COL14A1: variants seen among roughly 807,000 people sequenced by gnomAD.
COL14A1 encodes the protein collagen type XIV alpha 1 chain.
Under a neutral mutation model 230.3 loss-of-function variants are expected in COL14A1, and 136 were observed. The observed-to-expected ratio is 0.59, with a 90% CI of 0.51 to 0.68. The LOEUF (loss-of-function observed/expected upper bound fraction) is 0.68. COL14A1 is among the 30% of genes least tolerant of loss of function. The pLI is 0.00. For missense variants in COL14A1, 1,976 were observed against 2,215.8 expected (o/e 0.89, Z 2.17); for synonymous variants, 792 against 784.1 (o/e 1.01, Z -0.17).
In COL14A1 at chr8:120,369,341, G is replaced by A; in HGVS notation, c.5167G>A (p.Glu1723Lys). ...TGGGTACTTCTTAGGACCTTCAGGG[G>A]AGAGTCGGCCTGGCAGCCCTGGGCC... ...GPPGPAGPSG[E>K]SRPGSPGPPG... The change falls in exon 47 of 48, where the codon GAG (glutamate) becomes AAG (lysine). Residue 1723 changes from glutamate to lysine, a missense_variant. Physicochemically the swap from Glu to Lys is moderately conservative, Grantham distance 56 (BLOSUM62 1). This residue lies in a region of COL14A1 where 1,791 missense variants were observed against 2,019.5 expected (regional missense o/e 0.89). Coordinates refer to ENST00000297848, the MANE Select transcript of COL14A1 (RefSeq NM_021110.4). The A allele has an allele frequency of 6.3e-7, 1 of 1,586,806 alleles. No homozygotes were observed. Among genetic ancestry groups the A allele is most frequent in the East Asian group, 2.3e-5 (1 of 43,796 alleles).
intron 22 of COL14A1, among the ~76,000 whole-genome samples, chr8:120,252,811 T>C (rs1250275912): frequency 6.6e-6 from 1 of 152,156 alleles, no homozygotes; most frequent in Non-Finnish European, 1.5e-5. Context: ...ATCAATACTG[T>C]CAAGCAAGAG....
chr8:120,236,764 A>G (rs1311599037), intron 19 of COL14A1, among the ~76,000 whole-genome samples: 2 of 151,924 alleles, frequency 1.3e-5, no homozygotes. Flanking sequence ...ACCGGTTTTT[A>G]CTTTCCATAT....
chr8:120,213,411 T>C (rs1817666868), intron 13 of COL14A1, among the ~76,000 whole-genome samples: 1 of 152,192 alleles, frequency 6.6e-6, no homozygotes, highest in Non-Finnish European at 1.5e-5. Flanking sequence ...ACAATGCCTT[T>C]CTCATTAAGA....
intron 33 of COL14A1, among the ~76,000 whole-genome samples, chr8:120,287,388 G>A (rs577976448): frequency 1.3e-5 from 2 of 152,204 alleles, no homozygotes; most frequent in South Asian, 2.1e-4. Context: ...ATTCCTCTTG[G>A]CATGTTTATT....
At chr8:120,236,883 G>T (rs1818460346) in intron 19 of COL14A1, among the ~76,000 whole-genome samples, 1 of 152,134 alleles carries the variant, frequency 6.6e-6, no homozygotes, top group Admixed American at 6.5e-5. Context: ...ATGAAGCTTA[G>T]TTTGGCTGGA....
chr8:120,270,175 G>C lies in COL14A1; in HGVS notation c.3213+1G>C. 1 of 1,608,018 alleles carries C rather than the reference G, an allele frequency of 6.2e-7. No individual in the cohort carries two copies. Among genetic ancestry groups the C allele is most frequent in the Non-Finnish European group, 8.5e-7 (1 of 1,176,924 alleles). ...CAAGATTGGCACAGATGGAACCCAA[G>C]TAAGGCTAATAAATAATTAATTCAT... On this transcript the variant is annotated splice_donor_variant, in intron 26 of 47. Transcript: ENST00000297848. LOFTEE classifies it high-confidence loss of function.
chr8:120,158,137 A>G lies in COL14A1; in HGVS notation c.96A>G (p.Pro32=), dbSNP rs765045965. Residue 32 remains proline (P), a synonymous_variant, in exon 3 of 48, where the codon CCA becomes CCG. Transcript: ENST00000297848. ...FCTIVQGQVA[P]PTRLRYNVIS... Reference sequence around the variant, plus strand: ...TTTGTTCTTCCTTTTCAGTGGCTCCACCCACAAGGTTAAGATATAATGTAA... The same window carrying G: ...TTTGTTCTTCCTTTTCAGTGGCTCCGCCCACAAGGTTAAGATATAATGTAA... 1.9e-6 allele frequency: 3 copies of G among 1,555,638 alleles called. No individual in the cohort carries two copies. Among genetic ancestry groups the G allele is most frequent in the Non-Finnish European group, 2.6e-6 (3 of 1,142,234 alleles).
chr8:120,242,344 T>C (rs1818629262), intron 19 of COL14A1, among the ~76,000 whole-genome samples: 1 of 152,232 alleles, frequency 6.6e-6, no homozygotes, highest in Non-Finnish European at 1.5e-5. Flanking sequence ...GGCAAGCTAA[T>C]GAGTCTTCTA....
At chr8:120,177,256 A>T (rs557602095) in intron 5 of COL14A1, among the ~76,000 whole-genome samples, 1 of 152,340 alleles carries the variant, frequency 6.6e-6, no homozygotes, top group South Asian at 2.1e-4. Flanking sequence ...TCACAATTTC[A>T]AAACATAGAA....
Position 120,162,437 on chromosome 8 carries a change from A to C in COL14A1, c.217A>C (p.Asn73His). 1.2e-6 allele frequency: 2 copies of C among 1,601,382 alleles called. No individual in the cohort carries two copies. Among genetic ancestry groups the C allele is most frequent in the Non-Finnish European group, 1.7e-6 (2 of 1,175,658 alleles). Residue 73 changes from asparagine (N) to histidine (H), a missense_variant, in exon 4 of 48, where the codon AAC becomes CAC. By Grantham distance (68) the Asn-to-His change is moderately conservative (BLOSUM62 1). Coordinates refer to ENST00000297848, the MANE Select transcript of COL14A1 (RefSeq NM_021110.4). ...LVTPTSGGKT[N>H]QLNLQNTATK... is the part of the protein sequence containing the mutation. ...CTCTTTTATTATAGGTGGAAAAACT[A>C]ACCAGCTGAATCTGCAGAACACTGC...
intron 1 of COL14A1, among the ~76,000 whole-genome samples, chr8:120,138,740 G>C (rs1814793816): frequency 6.6e-6 from 1 of 152,042 alleles, no homozygotes; most frequent in African/African-American, 2.4e-5. Context: ...ATGTGAGGAG[G>C]GTAGTATTTC....
intron 31 of COL14A1, among the ~76,000 whole-genome samples, chr8:120,281,559 C>A (rs1410367635): frequency 3.6e-5 from 4 of 110,648 alleles, no homozygotes; most frequent in East Asian, 2.5e-4. Context: ...AGCAAGACCC[C>A]GTCTTTAAAA....
At chr8:120,218,168 AAT>A (rs1405297552) in intron 14 of COL14A1, among the ~76,000 whole-genome samples, 6 of 137,406 alleles carry the variant, frequency 4.4e-5, no homozygotes, top group South Asian at 2.1e-4. Context: ...TATAAATATA[AAT>A]ATATATAAAT....
intron 45 of COL14A1, among the ~76,000 whole-genome samples, chr8:120,349,389 T>C (rs1822661424): frequency 6.6e-6 from 1 of 150,578 alleles, no homozygotes; most frequent in Admixed American, 6.6e-5. Flanking sequence ...GGGTGGAGAA[T>C]GACTTTGACG....
intron 24 of COL14A1, among the ~76,000 whole-genome samples, chr8:120,266,567 G>T (rs910787674): frequency 6.6e-6 from 1 of 152,042 alleles, no homozygotes; most frequent in Non-Finnish European, 1.5e-5. Flanking sequence ...CCACTTTGTA[G>T]TTGACAGTTT....
At chr8:120,133,242 A>T (rs1586704598) in intron 1 of COL14A1, among the ~76,000 whole-genome samples, 1 of 151,934 alleles carries the variant, frequency 6.6e-6, no homozygotes, top group African/African-American at 2.4e-5. Context: ...AAAAAAAAAA[A>T]AATAACTGTT....
chr8:120,371,252 A>G lies in COL14A1; in HGVS notation c.*21A>G. On this transcript the variant is annotated 3_prime_UTR_variant, in exon 48 of 48. Coordinates refer to ENST00000297848, the MANE Select transcript of COL14A1 (RefSeq NM_021110.4). ...TCTGATAGCCTCAGGAGAAATTTGA[A>G]GACCAACTGCAAGAACTCTTAAGGA... is the stretch of plus-strand genomic sequence containing the variant. 1 of 1,580,272 alleles carries G rather than the reference A, an allele frequency of 6.3e-7. No homozygotes were observed. The highest frequency in any genetic ancestry group is 1.1e-5 in the South Asian group (1 of 88,628).
intron 4 of COL14A1, among the ~76,000 whole-genome samples, chr8:120,163,570 C>G (rs908978483): frequency 1.3e-5 from 2 of 152,088 alleles, no homozygotes; most frequent in African/African-American, 4.8e-5. Flanking sequence ...TCGAGACCAG[C>G]CTGACCAACA....
chr8:120,289,501 C>G, intron 33 of COL14A1, 107 bp from the exon 34 acceptor site: 25 of 969,196 alleles, frequency 2.6e-5, no homozygotes, highest in Non-Finnish European at 3.5e-5. Context: ...TGACAGAATT[C>G]TTTCTCTTCT....
Sources: allele counts gnomAD v4.1 joint callset (sites outside exome capture counted in the v4.1 genomes callset), GRCh38; gene constraint gnomAD v4.1.1; regional missense constraint gnomAD v4.1.1; transcripts MANE v1.5; gene names NCBI Gene and HGNC (gene_info 2026-07-23, HGNC 2026-07-21).